TTC12: variants seen among roughly 807,000 people sequenced by gnomAD.
TTC12 encodes tetratricopeptide repeat domain 12, also known as tetratricopeptide repeat protein 12.
In TTC12, 70 loss-of-function variants were observed where a neutral mutation model predicts 90.1. The ratio of observed to expected loss-of-function variants is 0.78; its 90% CI spans 0.64 to 0.95. The LOEUF (loss-of-function observed/expected upper bound fraction) is 0.95, where lower values mean the gene tolerates loss of function less well. TTC12 is among the 40% of genes least tolerant of loss of function. The pLI is 0.00. For missense variants in TTC12, 819 were observed against 846.1 expected (o/e 0.97, Z 0.40); for synonymous variants, 296 against 311.5 (o/e 0.95, Z 0.53).
rs1555154147 is a variant in TTC12 at position 113,359,983 on chromosome 11, A to G, written c.1589A>G (p.Asn530Ser). Residue 530 changes from asparagine to serine, a missense_variant, in exon 18 of 22, where the codon AAC (asparagine) becomes AGC (serine). Transcript: ENST00000529221. The stretch of plus-strand genomic sequence containing the variant: ...AGCAGAAGGTGCCTGTCTTTACTAA[A>G]CAGCCAGGATGGAGGAATCCTGACA... ...EVSRRCLSLL[N>S]SQDGGILTRA... 6.2e-7 allele frequency: 1 copy of G among 1,600,540 alleles called. No homozygotes were observed. The highest frequency in any genetic ancestry group is 1.3e-5 in the African/African-American group (1 of 74,982).
chr11:113,355,027 G>A (rs542800865), intron 16 of TTC12, among the ~76,000 whole-genome samples: 1 of 152,288 alleles, frequency 6.6e-6, no homozygotes, highest in African/African-American at 2.4e-5. Flanking sequence ...GTTTTAGCAG[G>A]AATAGTACCA....
chr11:113,320,467 C>G (rs1275636055), intron 2 of TTC12, among the ~76,000 whole-genome samples: 1 of 152,094 alleles, frequency 6.6e-6, no homozygotes, highest in Admixed American at 6.6e-5. Flanking sequence ...AGTTGGGCCA[C>G]TGGATGGCCA....
At chr11:113,322,690 A>G (rs549136759) in intron 2 of TTC12, among the ~76,000 whole-genome samples, 3 of 152,296 alleles carry the variant, frequency 2.0e-5, no homozygotes, top group African/African-American at 7.2e-5. Context: ...CTCAGTACAT[A>G]GCATTCCTAA....
chr11:113,347,867 C>T (rs550165854), intron 13 of TTC12, among the ~76,000 whole-genome samples: 4 of 152,312 alleles, frequency 2.6e-5, no homozygotes, highest in African/African-American at 9.6e-5. Flanking sequence ...GTCAAAGTCC[C>T]TGCCCTTCTC....
chr11:113,368,488 A>G, downstream of TTC12: 1 of 1,550,450 alleles, frequency 6.4e-7, no homozygotes, highest in Non-Finnish European at 8.7e-7. Context: ...CTGGTTCAAC[A>G]AGCAGAGGAG....
At chr11:113,323,188 C>T in intron 2 of TTC12, 100 bp from the exon 3 acceptor site, 138 of 762,800 alleles carry the variant, frequency 1.8e-4, no homozygotes, top group South Asian at 1.1e-3. Context: ...CTATTTTTTT[C>T]TTTAAGATCT....
chr11:113,359,139 C>G (rs1160564389), intron 16 of TTC12, among the ~76,000 whole-genome samples: 3 of 152,024 alleles, frequency 2.0e-5, no homozygotes, highest in Admixed American at 2.0e-4. Flanking sequence ...CCAGGACCAA[C>G]CTCAGCCATA....
intron 16 of TTC12, among the ~76,000 whole-genome samples, chr11:113,353,655 G>C (rs1289278854): frequency 6.6e-6 from 1 of 152,162 alleles, no homozygotes; most frequent in Non-Finnish European, 1.5e-5. Flanking sequence ...TGAAAGGAAG[G>C]GGTCCAGTTT....
intron 13 of TTC12, among the ~76,000 whole-genome samples, chr11:113,346,716 T>C (rs1948986469): frequency 6.8e-6 from 1 of 147,654 alleles, no homozygotes; most frequent in Admixed American, 6.8e-5. Context: ...ATGGAGAATA[T>C]CTGTGAGGTT....
At chr11:113,346,964 C>T (rs1048702262) in intron 13 of TTC12, among the ~76,000 whole-genome samples, 2 of 152,082 alleles carry the variant, frequency 1.3e-5, no homozygotes, top group Admixed American at 1.3e-4. Context: ...GAAAATCTGC[C>T]ACCAAAAAAG....
chr11:113,325,382 C>A, intron 5 of TTC12, 142 bp from the exon 6 acceptor site: 1 of 889,548 alleles, frequency 1.1e-6, no homozygotes, highest in Non-Finnish European at 1.7e-6. Context: ...GAAGTATCTG[C>A]AGAAAAAAAC....
Position 113,339,425 on chromosome 11 carries a change from C to T in TTC12, c.777C>T (p.Pro259=). Residue 259 remains proline, a synonymous_variant, in exon 10 of 22, where the codon CCC becomes CCT. Transcript: ENST00000529221. ...LETLSKPDQI[P]LFYAGGIEIL... is the part of the protein sequence containing the mutation. Reference sequence around the variant, plus strand: ...CCCTTTCCAAGCCTGACCAGATCCCCTTGTTCTATGCTGGGGGGATTGAGA... The same window carrying T: ...CCCTTTCCAAGCCTGACCAGATCCCTTTGTTCTATGCTGGGGGGATTGAGA... 1 of 1,613,782 alleles carries T rather than the reference C, an allele frequency of 6.2e-7. No homozygotes were observed. Among genetic ancestry groups the T allele is most frequent in the South Asian group, 1.1e-5 (1 of 91,046 alleles).
chr11:113,361,125 T>G (rs1219385625), intron 18 of TTC12, among the ~76,000 whole-genome samples: 1 of 152,202 alleles, frequency 6.6e-6, no homozygotes, highest in Non-Finnish European at 1.5e-5. Context: ...ATCTGGTCCT[T>G]GTCTAGCACA....
At chr11:113,340,477 C>T (rs1247582483) in intron 10 of TTC12, among the ~76,000 whole-genome samples, 187 bp from the exon 11 acceptor site, 5 of 152,356 alleles carry the variant, frequency 3.3e-5, no homozygotes, top group African/African-American at 9.6e-5. Context: ...ACTGAGGCCT[C>T]TGACGCTGAG....
Position 113,365,028 on chromosome 11 carries a change from T to C in TTC12, c.2010T>C (p.Ile670=). The C allele has an allele frequency of 6.2e-7, 1 of 1,614,110 alleles. No homozygotes were observed. The highest frequency in any genetic ancestry group is 8.5e-7 in the Non-Finnish European group (1 of 1,180,008). Residue 670 remains isoleucine (I), a synonymous_variant, in exon 21 of 22, where the codon ATT becomes ATC. Transcript: ENST00000529221. ...CGGCCGTGCAGGTGAACGCAGGCAT[T>C]GCTCTGGGGAAGCTGTGCACAGCTG... ...QKTAVQVNAG[I]ALGKLCTAEP... is the part of the protein sequence containing the mutation.
At chr11:113,337,404 A>T (rs141434591) in intron 8 of TTC12, among the ~76,000 whole-genome samples, 262 of 152,320 alleles carry the variant, frequency 1.7e-3, no homozygotes, top group African/African-American at 6.1e-3. Context: ...AGCAGTAAAG[A>T]TGAGACTGGT....
chr11:113,338,870 T>G (rs1555144953), intron 9 of TTC12, 36 bp downstream of exon 9: 1 of 1,584,860 alleles, frequency 6.3e-7, no homozygotes, highest in Non-Finnish European at 8.7e-7. Context: ...TCATCTGAAC[T>G]CCACCTCCCT....
intron 2 of TTC12, among the ~76,000 whole-genome samples, chr11:113,316,849 T>C (rs144770711): frequency 1.3e-5 from 2 of 152,250 alleles, no homozygotes; most frequent in African/African-American, 4.8e-5. Flanking sequence ...AGAAATGTAC[T>C]CTGATCCCAC....
In TTC12 at chr11:113,365,365, C is replaced by G. The variant is rs114440690; in HGVS notation, c.2042+305C>G. The G allele has an allele frequency of 2.3e-3, 745 of 323,502 alleles. 6 individuals are homozygous for G. The highest frequency in any genetic ancestry group is 0.014 in the African/African-American group (681 of 48,614). The allele number at this position is 323,502 out of a possible 1,614,324, so 20.0% of individuals were successfully genotyped here. A position where few individuals can be genotyped will look rare whatever the true frequency, so the allele number is the denominator to read the frequency against. The stretch of plus-strand genomic sequence containing the variant: ...CACTGTTTTGCATCCCTCTCCCTGT[C>G]TCTTTATCCTCCTTCTTCCCCTCCC... On this transcript the variant is annotated intron_variant, in intron 21 of 21. Transcript: ENST00000529221.
Sources: allele counts gnomAD v4.1 joint callset (sites outside exome capture counted in the v4.1 genomes callset), GRCh38; gene constraint gnomAD v4.1.1; transcripts MANE v1.5; gene names NCBI Gene and HGNC (gene_info 2026-07-23, HGNC 2026-07-21).